Variants in ADGRL2 observed in about 807,000 individuals in gnomAD.
ADGRL2 encodes adhesion G protein-coupled receptor L2.
A neutral mutation model predicts 157.4 loss-of-function variants in ADGRL2; 44 were observed. The ratio of observed to expected loss-of-function variants is 0.28; its 90% CI spans 0.22 to 0.36. ADGRL2 has a LOEUF of 0.36. ADGRL2 is among the 10% of genes least tolerant of loss of function. The pLI is 1.00. For synonymous variants in ADGRL2, 585 were observed against 624.7 expected (o/e 0.94, Z 0.95); for missense variants, 1,510 against 1,768.9 (o/e 0.85, Z 2.63).
At chr1:81,312,727 C>T (rs574833796) in intron 1 of ADGRL2, among the ~76,000 whole-genome samples, 7 of 152,166 alleles carry the variant, frequency 4.6e-5, no homozygotes, top group African/African-American at 1.7e-4. Flanking sequence ...GGGGTGTTAT[C>T]GGATTCAGAG....
At chr1:81,677,904 A>G (rs928885273) in intron 3 of ADGRL2, among the ~76,000 whole-genome samples, 11 of 152,208 alleles carry the variant, frequency 7.2e-5, no homozygotes, top group African/African-American at 2.2e-4. Flanking sequence ...GTTTAACATC[A>G]TCTTCTACCA....
At chr1:81,648,255 C>A (rs1446519418) in intron 3 of ADGRL2, among the ~76,000 whole-genome samples, 2 of 152,196 alleles carry the variant, frequency 1.3e-5, no homozygotes, top group African/African-American at 4.8e-5. Context: ...TTCATGCCAA[C>A]ACAGAGGATT....
chr1:81,584,389 G>C (rs778847111), intron 3 of ADGRL2, among the ~76,000 whole-genome samples: 1 of 151,944 alleles, frequency 6.6e-6, no homozygotes, highest in Non-Finnish European at 1.5e-5. Context: ...GAAACATAAA[G>C]TACTCTAAAA....
At chr1:81,463,114 C>CAAAAAAAAAAA (rs56920139) in intron 2 of ADGRL2, among the ~76,000 whole-genome samples, 14 of 93,694 alleles carry the variant, frequency 1.5e-4, no homozygotes, top group Admixed American at 2.3e-4. Flanking sequence ...GACCATGTCT[C>CAAAAAAAAAAA]AAAAAAAAAA....
At chr1:81,708,518 T>C (rs2083815866) in intron 1 of ADGRL2, among the ~76,000 whole-genome samples, 1 of 152,150 alleles carries the variant, frequency 6.6e-6, no homozygotes, top group Non-Finnish European at 1.5e-5. Flanking sequence ...TTTGATTGTT[T>C]AGCCAATGCA....
intron 1 of ADGRL2, among the ~76,000 whole-genome samples, chr1:81,369,332 C>A (rs80326962): frequency 0.12 from 18,430 of 152,116 alleles, 1,279 homozygotes; most frequent in African/African-American, 0.16. Flanking sequence ...AAAATACAGT[C>A]TATATATACA....
rs1345247153 is a variant in ADGRL2, at chr1:81,942,775, G to C, written c.410-194G>C. 5 of 638,110 alleles carry C rather than the reference G, an allele frequency of 7.8e-6. No homozygotes were observed. In the Admixed American group the frequency reaches 1.2e-4, roughly 15 times the overall value. The allele number at this position is 638,110 out of a possible 1,614,324, so 39.5% of individuals were successfully genotyped here. On this transcript the variant is annotated intron_variant, in intron 5 of 23. Coordinates refer to ENST00000686636, the MANE Select transcript of ADGRL2 (RefSeq NM_001366006.2). The stretch of plus-strand genomic sequence containing the variant: ...TTAGTGAAAATAAACATAAACTTCA[G>C]TTACTTTGTACCCTGATACACTGAT...
chr1:81,323,856 G>C (rs991112974), intron 1 of ADGRL2, among the ~76,000 whole-genome samples: 1 of 152,120 alleles, frequency 6.6e-6, no homozygotes, highest in African/African-American at 2.4e-5. Context: ...GTAGAAAAGA[G>C]CTTGGTAAAA....
Position 81,485,466 on chromosome 1 carries a change from G to A in ADGRL2, c.-248+40377G>A, listed in dbSNP as rs181855269. ...ACTTTGAAGTGTATCTGATATTAAAGCAGAATAAAAATATGAACAGCAAAA... is the reference window on the plus strand; with the variant it reads ...ACTTTGAAGTGTATCTGATATTAAAACAGAATAAAAATATGAACAGCAAAA... On this transcript the variant is annotated intron_variant, in intron 2 of 24. Transcript: ENST00000370721. 2.0e-5 allele frequency among the ~76,000 whole-genome samples: 3 copies of A among 152,162 alleles called. No homozygotes were observed. In the East Asian group the frequency reaches 5.8e-4, roughly 29 times the overall value.
chr1:81,537,084 C>T (rs541227237), intron 2 of ADGRL2, among the ~76,000 whole-genome samples: 29 of 152,104 alleles, frequency 1.9e-4, no homozygotes, highest in African/African-American at 6.0e-4. Context: ...CATTTCAAAC[C>T]TCTTGATCTG....
At chr1:81,564,226 A>T (rs533244168) in intron 2 of ADGRL2, among the ~76,000 whole-genome samples, 79 of 152,230 alleles carry the variant, frequency 5.2e-4, no homozygotes, top group Non-Finnish European at 9.1e-4. Context: ...CTAGTGACAC[A>T]TAGCTGTGTA....
intron 1 of ADGRL2, among the ~76,000 whole-genome samples, chr1:81,802,258 C>T (rs1203086213): frequency 3.3e-5 from 5 of 152,088 alleles, no homozygotes; most frequent in Non-Finnish European, 7.4e-5. Flanking sequence ...AACAATGTGC[C>T]TCTGTGCCCA....
chr1:81,784,474 T>C (rs567444402), intron 2 of ADGRL2, among the ~76,000 whole-genome samples: 1 of 152,292 alleles, frequency 6.6e-6, no homozygotes, highest in African/African-American at 2.4e-5. Context: ...ATGCCTGTAA[T>C]CCCAGCACTT....
intron 1 of ADGRL2, among the ~76,000 whole-genome samples, chr1:81,835,667 T>A (rs1370389077): frequency 6.6e-6 from 1 of 152,078 alleles, no homozygotes; most frequent in Non-Finnish European, 1.5e-5. Context: ...TGAGGTGTTC[T>A]TAAATGGCAT....
intron 2 of ADGRL2, among the ~76,000 whole-genome samples, chr1:81,511,651 T>TC: frequency 1.3e-5 from 2 of 152,176 alleles, no homozygotes; most frequent in African/African-American, 4.8e-5. Flanking sequence ...AGAGTTTGTT[T>TC]GATATGATTC....
intron 3 of ADGRL2, among the ~76,000 whole-genome samples, chr1:81,610,855 T>C (rs2081527260): frequency 6.6e-6 from 1 of 152,224 alleles, no homozygotes; most frequent in Non-Finnish European, 1.5e-5. Context: ...AGTTTTGAGT[T>C]TCCGCAGCTA....
At chr1:81,534,578 A>C (rs574842264) in intron 2 of ADGRL2, among the ~76,000 whole-genome samples, 1 of 152,394 alleles carries the variant, frequency 6.6e-6, no homozygotes, top group African/African-American at 2.4e-5. Flanking sequence ...AGCCAAGACA[A>C]GACAAAGAAA....
intron 3 of ADGRL2, among the ~76,000 whole-genome samples, chr1:81,917,748 A>AGT (rs1194309801): frequency 6.6e-6 from 1 of 152,148 alleles, no homozygotes; most frequent in Non-Finnish European, 1.5e-5. Context: ...AGATGATTCC[A>AGT]GTGGTCTTTC....
At chr1:81,966,280 G>A (rs72719412) in intron 12 of ADGRL2, 97 bp downstream of exon 12, 208 of 1,543,930 alleles carry the variant, frequency 1.3e-4, no homozygotes, top group Non-Finnish European at 1.7e-4. Context: ...ACAAAAAAAC[G>A]GCTTACCATT....
Sources: allele counts gnomAD v4.1 joint callset (sites outside exome capture counted in the v4.1 genomes callset), GRCh38; gene constraint gnomAD v4.1.1; transcripts MANE v1.5; gene names NCBI Gene and HGNC (gene_info 2026-07-23, HGNC 2026-07-21).